Variants in JPH1 observed in about 807,000 individuals in gnomAD.
JPH1 encodes the protein junctophilin-1.
Under a neutral mutation model 53.6 loss-of-function variants are expected in JPH1, and 12 were observed. That is an observed-to-expected ratio of 0.22 (90% CI 0.14 to 0.36). The LOEUF is 0.36. Ranked by LOEUF, JPH1 falls within the 10% of genes least tolerant of loss-of-function variation. The pLI, the probability that JPH1 is intolerant of heterozygous loss-of-function variation, is 1.00. For missense variants in JPH1, 808 were observed against 905.5 expected (o/e 0.89, Z 1.38); for synonymous variants, 375 against 363.8 (o/e 1.03, Z -0.35).
intron 2 of JPH1, among the ~76,000 whole-genome samples, chr8:74,306,184 AC>A (rs1284241674): frequency 6.6e-6 from 1 of 152,170 alleles, no homozygotes; most frequent in Non-Finnish European, 1.5e-5. Context: ...TCTCTGTGCT[AC>A]CAAGTCACAC....
At chr8:74,304,061 G>A (rs1359594104) in intron 2 of JPH1, among the ~76,000 whole-genome samples, 1 of 152,050 alleles carries the variant, frequency 6.6e-6, no homozygotes, top group Non-Finnish European at 1.5e-5. Context: ...ACATCCTTTG[G>A]TTCTCACTCT....
At chr8:74,271,964 T>C (rs914667054) in intron 2 of JPH1, among the ~76,000 whole-genome samples, 1 of 152,178 alleles carries the variant, frequency 6.6e-6, no homozygotes, top group East Asian at 1.9e-4. Context: ...AAGAAGCCTC[T>C]TCCCATCCAA....
intron 2 of JPH1, among the ~76,000 whole-genome samples, chr8:74,289,726 T>A (rs1451147703): frequency 6.6e-6 from 1 of 152,262 alleles, no homozygotes; most frequent in East Asian, 1.9e-4. Flanking sequence ...TAGCTCTTAT[T>A]ATTTTGAGAT....
intron 3 of JPH1, among the ~76,000 whole-genome samples, chr8:74,252,440 A>G (rs1806093432): frequency 6.6e-6 from 1 of 152,144 alleles, no homozygotes; most frequent in Non-Finnish European, 1.5e-5. Flanking sequence ...AAGGGCTAAT[A>G]TCCAGAATCT....
At chr8:74,241,388 G>GA (rs1347211000) in intron 4 of JPH1, among the ~76,000 whole-genome samples, 7 of 150,726 alleles carry the variant, frequency 4.6e-5, no homozygotes, top group East Asian at 1.9e-4. Context: ...ATAGCAAAAT[G>GA]AAAAAAAAAT....
At chr8:74,306,110 T>C (rs959191716) in intron 2 of JPH1, among the ~76,000 whole-genome samples, 1 of 152,210 alleles carries the variant, frequency 6.6e-6, no homozygotes, top group Non-Finnish European at 1.5e-5. Context: ...TTATGCGTAA[T>C]GACCCGTTGC....
chr8:74,272,666 C>T (rs1169299228), intron 2 of JPH1, among the ~76,000 whole-genome samples: 9 of 147,746 alleles, frequency 6.1e-5, no homozygotes, highest in Admixed American at 1.4e-4. Context: ...TGCAGTGGCG[C>T]GATCTCGACT....
intron 1 of JPH1, among the ~76,000 whole-genome samples, chr8:74,318,722 A>G (rs1808230505): frequency 1.3e-5 from 2 of 152,196 alleles, no homozygotes; most frequent in Admixed American, 1.3e-4. Flanking sequence ...ACAGGGATGG[A>G]CATGTGGCGA....
intron 2 of JPH1, among the ~76,000 whole-genome samples, chr8:74,286,854 C>T (rs1477032965): frequency 6.6e-6 from 1 of 152,054 alleles, no homozygotes; most frequent in Non-Finnish European, 1.5e-5. Flanking sequence ...CAGGGCTTGC[C>T]CAAACAGTAA....
In JPH1 at chr8:74,294,357, A is replaced by T. The variant is rs185500937; in HGVS notation, c.1139+20504T>A. 6.4e-4 allele frequency among the ~76,000 whole-genome samples: 97 copies of T among 151,188 alleles called. 1 individual carries two copies. Among genetic ancestry groups the T allele is most frequent in the East Asian group, 7.8e-4 (4 of 5,122 alleles). ...CTTCATTTCTAAGTGAAGCATTTGAACACTGTCCAGGTAGACCAGAGACAA... is the reference window on the plus strand; with the variant it reads ...CTTCATTTCTAAGTGAAGCATTTGATCACTGTCCAGGTAGACCAGAGACAA... On this transcript the variant is annotated intron_variant, in intron 2 of 5. Transcript: ENST00000342232.
At chr8:74,271,432 A>G (rs1483558351) in intron 2 of JPH1, among the ~76,000 whole-genome samples, 1 of 152,228 alleles carries the variant, frequency 6.6e-6, no homozygotes, top group African/African-American at 2.4e-5. Context: ...GGCCAGCGAT[A>G]GGAGTACTGG....
At chr8:74,306,537 T>TA (rs1314845448) in intron 2 of JPH1, among the ~76,000 whole-genome samples, 2 of 151,970 alleles carry the variant, frequency 1.3e-5, no homozygotes, top group Admixed American at 6.6e-5. Flanking sequence ...GTTCAGAGGA[T>TA]AACAATATAA....
chr8:74,314,640 A>T (rs951367778), intron 2 of JPH1, among the ~76,000 whole-genome samples: 1 of 152,222 alleles, frequency 6.6e-6, no homozygotes, highest in Non-Finnish European at 1.5e-5. Flanking sequence ...CAGGAAGGGG[A>T]GCTCAAAGTG....
chr8:74,300,705 C>T (rs1348006096), intron 2 of JPH1, among the ~76,000 whole-genome samples: 4 of 152,142 alleles, frequency 2.6e-5, no homozygotes, highest in Non-Finnish European at 5.9e-5. Flanking sequence ...CATTTACTAA[C>T]TGAATAATTT....
At chr8:74,306,459 T>C (rs1226144481) in intron 2 of JPH1, among the ~76,000 whole-genome samples, 3 of 152,152 alleles carry the variant, frequency 2.0e-5, no homozygotes, top group Admixed American at 6.5e-5. Context: ...AAGAGAAACA[T>C]ATTTGAAAAC....
At chr8:74,300,226 C>T (rs1175230387) in intron 2 of JPH1, among the ~76,000 whole-genome samples, 2 of 152,232 alleles carry the variant, frequency 1.3e-5, no homozygotes, top group Admixed American at 6.5e-5. Flanking sequence ...CAATCCACTC[C>T]TTTGTTAATT....
At chr8:74,274,533 C>T (rs922146303) in intron 2 of JPH1, among the ~76,000 whole-genome samples, 1 of 152,136 alleles carries the variant, frequency 6.6e-6, no homozygotes, top group East Asian at 1.9e-4. Context: ...CTAAGCTGCA[C>T]CTCCCTTTTG....
chr8:74,270,411 CTG>C (rs2131405560), intron 2 of JPH1, among the ~76,000 whole-genome samples: 1 of 152,248 alleles, frequency 6.6e-6, no homozygotes, highest in African/African-American at 2.4e-5. Context: ...TTAGCATTTG[CTG>C]TGTTACACCA....
chr8:74,303,054 T>C (rs1807730359), intron 2 of JPH1, among the ~76,000 whole-genome samples: 1 of 151,864 alleles, frequency 6.6e-6, no homozygotes, highest in Non-Finnish European at 1.5e-5. Flanking sequence ...AATTCAAGAA[T>C]AGAAATTCAG....
Sources: allele counts gnomAD v4.1 joint callset (sites outside exome capture counted in the v4.1 genomes callset), GRCh38; gene constraint gnomAD v4.1.1; transcripts MANE v1.5; gene names NCBI Gene and HGNC (gene_info 2026-07-23, HGNC 2026-07-21).